Variants in CTNNA2 observed in about 807,000 individuals in gnomAD.
The protein encoded by CTNNA2 is catenin alpha 2.
Under a neutral mutation model 101.0 loss-of-function variants are expected in CTNNA2, and 42 were observed. That is an observed-to-expected ratio of 0.42 (90% CI 0.32 to 0.54). CTNNA2 has a LOEUF of 0.54. CTNNA2 is among the 20% of genes least tolerant of loss of function. The pLI is 0.14. For missense variants in CTNNA2, 871 were observed against 1,223.1 expected, an observed-to-expected ratio of 0.71 and a Z score of 4.29; for synonymous variants, 450 against 456.4, an observed-to-expected ratio of 0.99 and a Z score of 0.18.
chr2:80,435,419 T>C (rs1681940524), intron 9 of CTNNA2, among the ~76,000 whole-genome samples: 1 of 152,208 alleles, frequency 6.6e-6, no homozygotes, highest in Non-Finnish European at 1.5e-5. Flanking sequence ...ATTTTTTTTT[T>C]CTCTGTGATC....
chr2:79,987,057 G>A (rs942548488), intron 7 of CTNNA2, among the ~76,000 whole-genome samples: 1 of 152,142 alleles, frequency 6.6e-6, no homozygotes, highest in African/African-American at 2.4e-5. Context: ...CCAGAGTGCT[G>A]TGTGGTGTTT....
At chr2:80,342,247 G>A (rs1448470856) in intron 7 of CTNNA2, among the ~76,000 whole-genome samples, 2 of 152,152 alleles carry the variant, frequency 1.3e-5, no homozygotes, top group African/African-American at 4.8e-5. Context: ...TGAATTTTAT[G>A]GCATATCCAT....
At chr2:80,232,341 G>T (rs57774270) in intron 7 of CTNNA2, among the ~76,000 whole-genome samples, 1,353 of 78,710 alleles carry the variant, frequency 0.017, 15 homozygotes, top group Middle Eastern at 0.042. Flanking sequence ...TTGTTTGTTT[G>T]TTTGTTTTTT....
At chr2:79,948,567 TGA>T (rs1688659610) in intron 7 of CTNNA2, among the ~76,000 whole-genome samples, 1 of 152,216 alleles carries the variant, frequency 6.6e-6, no homozygotes, top group Non-Finnish European at 1.5e-5. Flanking sequence ...GATATTGATG[TGA>T]GAGAGCTAAG....
intron 7 of CTNNA2, among the ~76,000 whole-genome samples, chr2:79,993,135 C>G (rs1293272652): frequency 6.6e-6 from 1 of 152,176 alleles, no homozygotes; most frequent in African/African-American, 2.4e-5. Context: ...GTGGTTACTT[C>G]CTAACTTCTA....
chr2:80,187,214 C>T (rs1463176597), intron 7 of CTNNA2, among the ~76,000 whole-genome samples: 1 of 152,114 alleles, frequency 6.6e-6, no homozygotes, highest in Non-Finnish European at 1.5e-5. Flanking sequence ...TCACTGGCAG[C>T]AAACAGTATG....
At chr2:79,597,785 T>A (rs909357362) in intron 1 of CTNNA2, among the ~76,000 whole-genome samples, 2 of 152,204 alleles carry the variant, frequency 1.3e-5, no homozygotes, top group African/African-American at 4.8e-5. Context: ...ACTGATGCCC[T>A]ATTATCATCC....
At chr2:80,577,159 G>A (rs216617) in intron 13 of CTNNA2, among the ~76,000 whole-genome samples, 89,798 of 152,026 alleles carry the variant, frequency 0.59, 26,700 homozygotes, top group Middle Eastern at 0.64. Context: ...GAGTTGCCCT[G>A]AATACAGGAT....
At chr2:79,674,657 T>C (rs567114586) in intron 2 of CTNNA2, among the ~76,000 whole-genome samples, 3 of 152,252 alleles carry the variant, frequency 2.0e-5, no homozygotes, top group Admixed American at 2.0e-4. Flanking sequence ...AGACCGCCTA[T>C]GTAAGCGAAC....
At chr2:80,205,895 C>G (rs1707502313) in intron 7 of CTNNA2, among the ~76,000 whole-genome samples, 1 of 152,208 alleles carries the variant, frequency 6.6e-6, no homozygotes, top group African/African-American at 2.4e-5. Flanking sequence ...AATATAACAA[C>G]TGACACTAAA....
At chr2:79,549,539 A>G (rs1392993959) in intron 1 of CTNNA2, among the ~76,000 whole-genome samples, 1 of 152,200 alleles carries the variant, frequency 6.6e-6, no homozygotes, top group Admixed American at 6.5e-5. Context: ...TTTCTTTGTC[A>G]TGTAACTATG....
chr2:80,420,500 C>T (rs1421451369), intron 9 of CTNNA2, among the ~76,000 whole-genome samples: 1 of 152,012 alleles, frequency 6.6e-6, no homozygotes, highest in Admixed American at 6.5e-5. Flanking sequence ...CACTTTAATT[C>T]ATAATAAAAT....
chr2:79,227,100 C>T (rs1389250187), intron 2 of CTNNA2, among the ~76,000 whole-genome samples: 1 of 152,130 alleles, frequency 6.6e-6, no homozygotes, highest in Non-Finnish European at 1.5e-5. Context: ...TCAGCAGTCT[C>T]TTGAGCCCTT....
In CTNNA2 at chr2:80,589,435, A is replaced by G. The variant is rs1299200182; in HGVS notation, c.2139A>G (p.Val713=). Residue 713 remains valine, a synonymous_variant, in exon 15 of 19, where the codon GTA becomes GTG. Coordinates refer to ENST00000402739, the MANE Select transcript of CTNNA2 (RefSeq NM_001282597.3). ...ACGACAGCGGCAATGATATCATTGT[A>G]CTGGCCAAGCAGATGTGTATGATCA... ...KWDDSGNDII[V]LAKQMCMIMM... 3 of 1,614,132 alleles carry G rather than the reference A, an allele frequency of 1.9e-6. No individual in the cohort carries two copies. Among genetic ancestry groups the G allele is most frequent in the East Asian group, 2.2e-5 (1 of 44,876 alleles).
At chr2:80,014,648 A>C (rs924339650) in intron 7 of CTNNA2, among the ~76,000 whole-genome samples, 1 of 152,186 alleles carries the variant, frequency 6.6e-6, no homozygotes, top group African/African-American at 2.4e-5. Flanking sequence ...AACTTCAGCA[A>C]TACACAGACA....
intron 7 of CTNNA2, among the ~76,000 whole-genome samples, chr2:79,956,379 A>G (rs77084840): frequency 0.011 from 1,746 of 152,288 alleles, 82 homozygotes; most frequent in East Asian, 0.084. Flanking sequence ...CCTTAGGACA[A>G]TATTTACGTT....
chr2:80,525,148 TTCC>T (rs768716587), intron 9 of CTNNA2, among the ~76,000 whole-genome samples: 6 of 152,078 alleles, frequency 3.9e-5, no homozygotes, highest in South Asian at 4.1e-4. Flanking sequence ...TTCTCACTCT[TTCC>T]TCCTCTGGTA....
At chr2:80,224,521 T>C (rs1330729896) in intron 7 of CTNNA2, among the ~76,000 whole-genome samples, 4 of 151,414 alleles carry the variant, frequency 2.6e-5, no homozygotes, top group Non-Finnish European at 4.4e-5. Flanking sequence ...CTCGGCTCAC[T>C]GCAACCTCCA....
intron 13 of CTNNA2, among the ~76,000 whole-genome samples, chr2:80,579,978 C>T (rs1695385317): frequency 6.6e-6 from 1 of 152,232 alleles, no homozygotes; most frequent in East Asian, 1.9e-4. Context: ...TGCCAAGAGG[C>T]AGTCTGTGGA....
Sources: allele counts gnomAD v4.1 joint callset (sites outside exome capture counted in the v4.1 genomes callset), GRCh38; gene constraint gnomAD v4.1.1; transcripts MANE v1.5; gene names NCBI Gene and HGNC (gene_info 2026-07-23, HGNC 2026-07-21).